Variants in CDH8 observed in about 807,000 individuals in gnomAD.
CDH8 encodes the protein cadherin-8.
In CDH8, 17 loss-of-function variants were observed where a neutral mutation model predicts 68.1. The ratio of observed to expected loss-of-function variants is 0.25; its 90% CI spans 0.17 to 0.37. The LOEUF (loss-of-function observed/expected upper bound fraction) is 0.37. CDH8 is among the 10% of genes least tolerant of loss of function. The pLI is 1.00. For missense variants in CDH8, 763 were observed against 999.3 expected (o/e 0.76, Z 3.19); for synonymous variants, 372 against 365.1 (o/e 1.02, Z -0.21).
chr16:62,023,797 A>C (rs1902131700), intron 1 of CDH8, among the ~76,000 whole-genome samples: 1 of 152,112 alleles, frequency 6.6e-6, no homozygotes, highest in African/African-American at 2.4e-5. Flanking sequence ...CTCAGCCTAA[A>C]CTTCTCAGAG....
chr16:61,889,485 A>G (rs567231753), intron 3 of CDH8, among the ~76,000 whole-genome samples: 2 of 152,316 alleles, frequency 1.3e-5, no homozygotes, highest in South Asian at 4.1e-4. Context: ...TGAGGAAGCG[A>G]GGCATACACC....
intron 3 of CDH8, among the ~76,000 whole-genome samples, chr16:61,869,631 T>C (rs1393113898): frequency 6.6e-6 from 1 of 152,310 alleles, no homozygotes; most frequent in Admixed American, 6.5e-5. Flanking sequence ...CACAAATCTA[T>C]GTATGCAACA....
intron 10 of CDH8, among the ~76,000 whole-genome samples, chr16:61,675,495 G>T (rs1476257823): frequency 1.3e-5 from 2 of 149,640 alleles, no homozygotes; most frequent in African/African-American, 2.5e-5. Flanking sequence ...ATATACCTAA[G>T]GCTAGATGAC....
intron 2 of CDH8, among the ~76,000 whole-genome samples, chr16:61,997,173 C>G (rs2150593726): frequency 6.6e-6 from 1 of 152,260 alleles, no homozygotes; most frequent in South Asian, 2.1e-4. Flanking sequence ...CTTAAAGTCT[C>G]TCAGAGTCCA....
At chr16:61,888,377 C>T (rs984248092) in intron 3 of CDH8, among the ~76,000 whole-genome samples, 1 of 152,132 alleles carries the variant, frequency 6.6e-6, no homozygotes, top group Non-Finnish European at 1.5e-5. Context: ...TCATGTCCAG[C>T]TTTTTTCCCA....
Position 61,675,343 on chromosome 16 carries a change from G to A in CDH8, c.1655-19622C>T, listed in dbSNP as rs573445686. Among the ~76,000 whole-genome samples the A allele has an allele frequency of 6.0e-3, 903 of 150,062 alleles. 9 individuals are homozygous for A. Among genetic ancestry groups the A allele is most frequent in the African/African-American group, 0.021 (852 of 40,904 alleles). Reference sequence around the variant, plus strand: ...AAATCATCATTCTCAGTAAAATATCGCAAGAACAAAAAACCAAACACCGTA... The same window carrying A: ...AAATCATCATTCTCAGTAAAATATCACAAGAACAAAAAACCAAACACCGTA... On this transcript the variant is annotated intron_variant, in intron 10 of 11. Transcript: ENST00000577390.
chr16:61,798,079 A>G (rs1337694783), intron 7 of CDH8, among the ~76,000 whole-genome samples: 5 of 152,206 alleles, frequency 3.3e-5, no homozygotes, highest in Middle Eastern at 3.2e-3. Flanking sequence ...CTCATGATCA[A>G]TTCTTCAATG....
intron 8 of CDH8, among the ~76,000 whole-genome samples, chr16:61,784,835 C>T (rs956882827): frequency 3.3e-5 from 5 of 152,126 alleles, no homozygotes; most frequent in African/African-American, 1.2e-4. Context: ...TCCTGAATGA[C>T]TACTGGGTAC....
intron 2 of CDH8, among the ~76,000 whole-genome samples, chr16:61,987,746 T>TA (rs61546952): frequency 0.034 from 4,893 of 144,290 alleles, 181 homozygotes; most frequent in African/African-American, 0.09. Flanking sequence ...TTTAGATTGG[T>TA]AAAAAAAAAA....
At chr16:61,775,212 T>G in intron 8 of CDH8, among the ~76,000 whole-genome samples, 1 of 151,784 alleles carries the variant, frequency 6.6e-6, no homozygotes, top group East Asian at 1.9e-4. Context: ...TTTAAAGAAA[T>G]AAATAAACAA....
intron 3 of CDH8, among the ~76,000 whole-genome samples, chr16:61,889,827 T>G (rs528715736): frequency 2.0e-4 from 31 of 152,284 alleles, no homozygotes; most frequent in African/African-American, 7.0e-4. Flanking sequence ...AATTCCCATC[T>G]GAGGGCAAAA....
At chr16:61,803,880 C>T (rs368582296) in intron 7 of CDH8, among the ~76,000 whole-genome samples, 120 of 128,014 alleles carry the variant, frequency 9.4e-4, no homozygotes, top group Admixed American at 1.8e-3. Flanking sequence ...GAGACTTTAA[C>T]ACCCCACTGT....
intron 10 of CDH8, among the ~76,000 whole-genome samples, chr16:61,690,633 G>T (rs1332400283): frequency 6.7e-6 from 1 of 149,992 alleles, no homozygotes; most frequent in Non-Finnish European, 1.5e-5. Flanking sequence ...TCAGCTTTCT[G>T]GTCTTTGTTG....
In CDH8 at chr16:61,652,783, A is replaced by G; in HGVS notation, c.*825T>C. Reference sequence around the variant, plus strand: ...TATTTATTTCGAGGATTAAACAAATAAATTCACGCGCTAGCAATAAAACCA... The same window carrying G: ...TATTTATTTCGAGGATTAAACAAATGAATTCACGCGCTAGCAATAAAACCA... On this transcript the variant is annotated 3_prime_UTR_variant, in exon 12 of 12. Transcript: ENST00000577390. The G allele has an allele frequency of 7.5e-7, 1 of 1,339,328 alleles. No individual in the cohort carries two copies. Among genetic ancestry groups the G allele is most frequent in the Non-Finnish European group, 9.6e-7 (1 of 1,043,676 alleles). 83.0% of individuals were successfully genotyped at this position (1,339,328 alleles called of 1,614,324 possible). A position where few individuals can be genotyped will look rare whatever the true frequency, so the allele number is the denominator to read the frequency against.
chr16:61,870,886 T>C (rs1014805989), intron 3 of CDH8, among the ~76,000 whole-genome samples: 1 of 152,174 alleles, frequency 6.6e-6, no homozygotes, highest in South Asian at 2.1e-4. Context: ...CCATCAAATA[T>C]AAAGGAGCTT....
At chr16:61,993,712 A>G (rs1033247262) in intron 2 of CDH8, among the ~76,000 whole-genome samples, 1 of 152,098 alleles carries the variant, frequency 6.6e-6, no homozygotes, top group Non-Finnish European at 1.5e-5. Context: ...GTTATATTTT[A>G]TGTGTGTTCA....
intron 8 of CDH8, among the ~76,000 whole-genome samples, chr16:61,769,123 G>A (rs952414574): frequency 6.6e-6 from 1 of 151,742 alleles, no homozygotes; most frequent in African/African-American, 2.4e-5. Context: ...CTCTGGAAAA[G>A]TATACTTTCA....
intron 8 of CDH8, among the ~76,000 whole-genome samples, chr16:61,769,657 G>A (rs1212161951): frequency 6.6e-6 from 1 of 151,716 alleles, no homozygotes; most frequent in Non-Finnish European, 1.5e-5. Context: ...TTTCCAAATG[G>A]ATTTATTTTA....
At chr16:61,955,309 T>C (rs1327741944) in intron 2 of CDH8, among the ~76,000 whole-genome samples, 3 of 152,204 alleles carry the variant, frequency 2.0e-5, no homozygotes, top group Non-Finnish European at 2.9e-5. Context: ...GTGCCAATCA[T>C]TGAGTTTTGG....
Sources: allele counts gnomAD v4.1 joint callset (sites outside exome capture counted in the v4.1 genomes callset), GRCh38; gene constraint gnomAD v4.1.1; transcripts MANE v1.5; gene names NCBI Gene and HGNC (gene_info 2026-07-23, HGNC 2026-07-21).